The following IMMP1L variants were observed in gnomAD, a reference collection of about 807,000 sequenced individuals.
IMMP1L encodes mitochondrial inner membrane protease subunit 1.
In IMMP1L, 24 loss-of-function variants were observed where a neutral mutation model predicts 21.8. The ratio of observed to expected loss-of-function variants is 1.10; its 90% CI spans 0.80 to 1.55. IMMP1L has a LOEUF of 1.55. IMMP1L is among the 40% of genes most tolerant of loss of function. The probability of loss-of-function intolerance (pLI) is 0.00; values close to 1 mark genes in which losing one functional copy is unlikely to be tolerated. For missense variants in IMMP1L, 195 were observed against 200.7 expected, an observed-to-expected ratio of 0.97 and a Z score of 0.17; for synonymous variants, 46 against 62.8, an observed-to-expected ratio of 0.73 and a Z score of 1.26.
chr11:31,457,041 A>G lies in IMMP1L; in HGVS notation c.195-655T>C, dbSNP rs916006015. On this transcript the variant is annotated intron_variant, in intron 3 of 5. Coordinates refer to ENST00000532287, the MANE Select transcript of IMMP1L (RefSeq NM_001304274.2). The stretch of plus-strand genomic sequence containing the variant: ...GCGGTCCAGCCAGTAGCACTGATTG[A>G]CTCTAGAGCACACTAAAAAGGTAAA... 5.9e-5 allele frequency among the ~76,000 whole-genome samples: 9 copies of G among 151,830 alleles called. 1 individual carries two copies. The South Asian group carries it at 1.9e-3, about 31-fold the overall frequency.
intron 1 of IMMP1L, among the ~76,000 whole-genome samples, chr11:31,495,126 A>C (rs922572820): frequency 2.0e-5 from 3 of 152,174 alleles, no homozygotes; most frequent in Non-Finnish European, 4.4e-5. Context: ...TCCAGTTCCT[A>C]GTAAGTTGCT....
intron 4 of IMMP1L, among the ~76,000 whole-genome samples, chr11:31,455,326 C>T (rs1953905602): frequency 6.6e-6 from 1 of 152,104 alleles, no homozygotes; most frequent in Non-Finnish European, 1.5e-5. Context: ...AGAAGATTTA[C>T]AGTAAAGTAG....
At chr11:31,458,923 TCTC>T (rs1421797169) in intron 3 of IMMP1L, among the ~76,000 whole-genome samples, 2 of 152,160 alleles carry the variant, frequency 1.3e-5, no homozygotes, top group Non-Finnish European at 2.9e-5. Context: ...AACAAGTTCA[TCTC>T]CTCATTCAGG....
intron 1 of IMMP1L, among the ~76,000 whole-genome samples, chr11:31,493,142 A>T (rs1955312430): frequency 6.6e-6 from 1 of 152,206 alleles, no homozygotes; most frequent in South Asian, 2.1e-4. Context: ...TGAAAAGCCA[A>T]AACAACTGTA....
intron 4 of IMMP1L, among the ~76,000 whole-genome samples, chr11:31,446,031 C>A (rs541614789): frequency 5.9e-5 from 9 of 152,026 alleles, no homozygotes; most frequent in African/African-American, 1.9e-4. Context: ...ATATAATCTA[C>A]CTTAATCTTA....
rs190580112 is a variant in IMMP1L at position 31,483,494 on chromosome 11, T to C, written c.-29-20189A>G. Reference sequence around the variant, plus strand: ...ACTTAGTTAACTTCCTGGATGCTTATAAATGGAAGACATTTATAACATTCA... The same window carrying C: ...ACTTAGTTAACTTCCTGGATGCTTACAAATGGAAGACATTTATAACATTCA... On this transcript the variant is annotated intron_variant, in intron 1 of 5. Coordinates refer to ENST00000532287, the MANE Select transcript of IMMP1L (RefSeq NM_001304274.2). 3.0e-3 allele frequency among the ~76,000 whole-genome samples: 451 copies of C among 152,170 alleles called. 2 individuals are homozygous for C. Among genetic ancestry groups the C allele is most frequent in the African/African-American group, 0.01 (416 of 41,570 alleles).
intron 1 of IMMP1L, among the ~76,000 whole-genome samples, chr11:31,500,556 C>T (rs1955584634): frequency 6.6e-6 from 1 of 151,448 alleles, no homozygotes; most frequent in South Asian, 2.1e-4. Flanking sequence ...CAGGAAAAGA[C>T]ACTCCTCTCT....
chr11:31,437,226 G>A (rs1953154670), intron 4 of IMMP1L: 1 of 405,186 alleles, frequency 2.5e-6, no homozygotes, highest in South Asian at 1.8e-5. Context: ...GAGATATCCA[G>A]GGGAAGAGAC....
At chr11:31,481,228 G>A (rs1371272566) in intron 1 of IMMP1L, among the ~76,000 whole-genome samples, 3 of 152,032 alleles carry the variant, frequency 2.0e-5, no homozygotes, top group East Asian at 1.9e-4. Flanking sequence ...GGAATAAAGC[G>A]ATATGATCTA....
At chr11:31,496,536 T>C (rs896583121) in intron 1 of IMMP1L, among the ~76,000 whole-genome samples, 1 of 152,110 alleles carries the variant, frequency 6.6e-6, no homozygotes, top group African/African-American at 2.4e-5. Context: ...ATGTTCACTG[T>C]AGCACTATTT....
intron 4 of IMMP1L, among the ~76,000 whole-genome samples, chr11:31,442,315 G>A (rs1354177326): frequency 4.6e-5 from 7 of 152,144 alleles, no homozygotes; most frequent in African/African-American, 1.7e-4. Flanking sequence ...TTGCCTCATG[G>A]CCTGCGGGTG....
chr11:31,480,268 G>A (rs1954852750), intron 1 of IMMP1L, among the ~76,000 whole-genome samples: 1 of 151,914 alleles, frequency 6.6e-6, no homozygotes, highest in Non-Finnish European at 1.5e-5. Context: ...GTATACTTCA[G>A]AATATTCACA....
At chr11:31,506,477 G>A (rs114803086) in intron 1 of IMMP1L, among the ~76,000 whole-genome samples, 1,640 of 151,784 alleles carry the variant, frequency 0.011, 35 homozygotes, top group African/African-American at 0.038. Flanking sequence ...TGATCTGCAC[G>A]CCTCGTCCTC....
At chr11:31,496,779 CAT>C (rs1185986043) in intron 1 of IMMP1L, among the ~76,000 whole-genome samples, 1 of 147,434 alleles carries the variant, frequency 6.8e-6, no homozygotes, top group Non-Finnish European at 1.5e-5. Flanking sequence ...ATAGGATAAT[CAT>C]ATATTATAAT....
chr11:31,438,258 G>T (rs949176510), intron 4 of IMMP1L, among the ~76,000 whole-genome samples: 15 of 152,128 alleles, frequency 9.9e-5, no homozygotes, highest in African/African-American at 3.6e-4. Context: ...CATTCTAGCA[G>T]GTTAAGGATA....
chr11:31,492,643 TA>T (rs1218011977), intron 1 of IMMP1L, among the ~76,000 whole-genome samples: 1 of 152,208 alleles, frequency 6.6e-6, no homozygotes, highest in African/African-American at 2.4e-5. Context: ...CTTGAACACT[TA>T]AAGACCACTT....
At chr11:31,440,618 TGGCCTCAAGTGATCTGCCCGCCTC>T (rs1406153338) in intron 4 of IMMP1L, among the ~76,000 whole-genome samples, 2 of 152,174 alleles carry the variant, frequency 1.3e-5, no homozygotes, top group African/African-American at 4.8e-5. Context: ...CTCAAACTCC[TGGCCTCAAGTGATCTGCCCGCCTC>T]GGCCTCCCCA....
intron 1 of IMMP1L, among the ~76,000 whole-genome samples, chr11:31,495,015 A>G (rs996748307): frequency 6.6e-6 from 1 of 152,078 alleles, no homozygotes; most frequent in African/African-American, 2.4e-5. Flanking sequence ...TCCACCAGAT[A>G]CCCTAAATCA....
chr11:31,484,010 T>C (rs1954986589), intron 1 of IMMP1L, among the ~76,000 whole-genome samples: 1 of 151,870 alleles, frequency 6.6e-6, no homozygotes, highest in South Asian at 2.1e-4. Context: ...CCAAAGATTA[T>C]TATAGTTTGT....
Sources: gnomAD v4.1 joint callset for allele counts (sites outside exome capture counted in the v4.1 genomes callset) on GRCh38, gnomAD v4.1.1 for gene constraint, MANE v1.5 for transcripts, NCBI Gene and HGNC (gene_info 2026-07-23, HGNC 2026-07-21) for gene names.